The following USP25 variants were observed in gnomAD, a reference collection of about 807,000 sequenced individuals.
The protein encoded by USP25 is ubiquitin specific peptidase 25, also known as ubiquitin carboxyl-terminal hydrolase 25.
Under a neutral mutation model 158.5 loss-of-function variants are expected in USP25, and 85 were observed. The ratio of observed to expected loss-of-function variants is 0.54; its 90% CI spans 0.45 to 0.64. USP25 has a LOEUF of 0.64. Among genes scored for constraint, USP25 ranks in the 30% least tolerant of loss-of-function variants. The probability of loss-of-function intolerance (pLI) is 0.00; values close to 1 mark genes in which losing one functional copy is unlikely to be tolerated. For synonymous variants in USP25, 464 were observed against 460.4 expected, an observed-to-expected ratio of 1.01 and a Z score of -0.10; for missense variants, 1,242 against 1,327.3, an observed-to-expected ratio of 0.94 and a Z score of 1.00.
chr21:15,745,763 A>G (rs532601317), intron 1 of USP25, among the ~76,000 whole-genome samples: 1 of 152,240 alleles, frequency 6.6e-6, no homozygotes, highest in South Asian at 2.1e-4. Flanking sequence ...GGCGTGAGCC[A>G]CCACGCCCGG....
At chr21:15,799,541 AAATAT>A (rs2146248822) in intron 5 of USP25, 1 of 358,192 alleles carries the variant, frequency 2.8e-6, no homozygotes, top group South Asian at 7.7e-5. Flanking sequence ...AAAGTTGTCC[AAATAT>A]AATCTTGTGC....
rs781240763 is a variant in USP25, at chr21:15,777,955, C to G, written c.320C>G (p.Ala107Gly). The change falls in exon 4 of 26, where the codon GCC (alanine) becomes GGC (glycine). Residue 107 changes from alanine to glycine, a missense_variant. Physicochemically the swap from Ala to Gly is moderately conservative, Grantham distance 60. Coordinates refer to ENST00000400183, the MANE Select transcript of USP25 (RefSeq NM_001283041.3). ...AAAGATGATCTTCAGAGAGCAATTGCCTTGAGTTTGGCCGAATCAAACAGG... is the reference window on the plus strand; with the variant it reads ...AAAGATGATCTTCAGAGAGCAATTGGCTTGAGTTTGGCCGAATCAAACAGG... ...DDKDDLQRAI[A>G]LSLAESNRAF... The G allele has an allele frequency of 1.9e-6, 3 of 1,611,934 alleles. No individual in the cohort carries two copies. The highest frequency in any genetic ancestry group is 2.5e-6 in the Non-Finnish European group (3 of 1,179,138).
intron 4 of USP25, among the ~76,000 whole-genome samples, chr21:15,788,697 C>T (rs1482816518): frequency 1.3e-5 from 2 of 152,010 alleles, no homozygotes; most frequent in African/African-American, 4.8e-5. Flanking sequence ...ATTCCCCTTT[C>T]ACCTACATGC....
At chr21:15,809,169 A>G (rs1374577273) in intron 8 of USP25, among the ~76,000 whole-genome samples, 1 of 152,202 alleles carries the variant, frequency 6.6e-6, no homozygotes, top group African/African-American at 2.4e-5. Context: ...GAAAGATGTC[A>G]GGAATGTGAA....
chr21:15,796,175 CT>C (rs2035853833), intron 5 of USP25, among the ~76,000 whole-genome samples: 1 of 151,498 alleles, frequency 6.6e-6, no homozygotes, highest in Non-Finnish European at 1.5e-5. Context: ...TTTCTTACCT[CT>C]TTTGAAGGAA....
intron 1 of USP25, among the ~76,000 whole-genome samples, chr21:15,740,992 A>G (rs1487459689): frequency 1.3e-5 from 2 of 151,594 alleles, no homozygotes; most frequent in Non-Finnish European, 2.9e-5. Flanking sequence ...CATTTCTGTC[A>G]CTCCACAAAA....
chr21:15,806,261 G>A (rs985178407), intron 7 of USP25, among the ~76,000 whole-genome samples: 1 of 151,920 alleles, frequency 6.6e-6, no homozygotes, highest in Non-Finnish European at 1.5e-5. Flanking sequence ...CGGGCATTCA[G>A]CATTCCTTCT....
chr21:15,849,009 A>G (rs1388002162), intron 19 of USP25, among the ~76,000 whole-genome samples: 2 of 140,982 alleles, frequency 1.4e-5, no homozygotes, highest in Non-Finnish European at 3.0e-5. Context: ...ATGCTTAAGT[A>G]TTTGTACTTA....
intron 3 of USP25, among the ~76,000 whole-genome samples, chr21:15,777,153 ATTAATAC>A (rs1332474714): frequency 1.3e-5 from 2 of 152,208 alleles, no homozygotes; most frequent in African/African-American, 4.8e-5. Flanking sequence ...TGGAAAAAGA[ATTAATAC>A]TTAATAGCAT....
At chr21:15,851,302 TAGTA>T (rs2038876625) in intron 20 of USP25, among the ~76,000 whole-genome samples, 1 of 152,126 alleles carries the variant, frequency 6.6e-6, no homozygotes, top group Non-Finnish European at 1.5e-5. Flanking sequence ...TTACAACAGT[TAGTA>T]AGCCCCCAGT....
At chr21:15,730,899 C>G (rs2030772081) in intron 1 of USP25, among the ~76,000 whole-genome samples, 1 of 151,786 alleles carries the variant, frequency 6.6e-6, no homozygotes, top group South Asian at 2.1e-4. Context: ...GGCGTGTTGA[C>G]CAGGTGGACT....
chr21:15,867,182 T>G (rs991102068), intron 22 of USP25, among the ~76,000 whole-genome samples: 1 of 152,288 alleles, frequency 6.6e-6, no homozygotes. Flanking sequence ...CACCTAGTAT[T>G]TCTTCACATT....
intron 18 of USP25, among the ~76,000 whole-genome samples, chr21:15,846,970 A>C (rs1199478331): frequency 6.6e-6 from 1 of 152,208 alleles, no homozygotes; most frequent in South Asian, 2.1e-4. Context: ...TGAGTTGTTA[A>C]AAATGGGTAT....
In USP25 at chr21:15,849,838, A is replaced by G. The variant is rs1454107593; in HGVS notation, c.2513A>G (p.Tyr838Cys). 1.3e-6 allele frequency: 2 copies of G among 1,539,306 alleles called. No homozygotes were observed. Among genetic ancestry groups the G allele is most frequent in the African/African-American group, 2.8e-5 (2 of 72,726 alleles). ...IMAIGKSRSV[Y>C]DRCGPEAGFF... ...GCGATAGGTAAATCCAGGAGTGTAT[A>G]TGACAGGTGTGGCCCTGAAGCAGGG... Residue 838 changes from tyrosine to cysteine, a missense_variant, in exon 20 of 26, where the codon TAT (tyrosine) becomes TGT (cysteine). Tyr to Cys is a radical substitution (Grantham distance 194). This residue lies in a region of USP25 where 608 missense variants were observed against 605.2 expected (regional missense o/e 1.00). Coordinates refer to ENST00000400183, the MANE Select transcript of USP25 (RefSeq NM_001283041.3).
chr21:15,756,261 G>C (rs1045946514), intron 1 of USP25, among the ~76,000 whole-genome samples: 4 of 152,112 alleles, frequency 2.6e-5, no homozygotes, highest in African/African-American at 9.7e-5. Flanking sequence ...GTCAGATAAG[G>C]GAACTTCAGA....
intron 24 of USP25, 60 bp downstream of exon 24, chr21:15,874,586 A>G: frequency 6.7e-7 from 1 of 1,497,514 alleles, no homozygotes; most frequent in Non-Finnish European, 9.0e-7. Context: ...CAAGTTTTCC[A>G]GACTCATATA....
intron 3 of USP25, among the ~76,000 whole-genome samples, chr21:15,767,261 T>C (rs758153190): frequency 2.0e-5 from 3 of 152,044 alleles, no homozygotes; most frequent in African/African-American, 7.2e-5. Context: ...AATTTCTCTG[T>C]CTTTACATTT....
intron 20 of USP25, among the ~76,000 whole-genome samples, chr21:15,861,994 G>T (rs1390907397): frequency 1.3e-5 from 2 of 152,110 alleles, no homozygotes; most frequent in Admixed American, 6.5e-5. Flanking sequence ...AGTATAAGAG[G>T]TTATATATTT....
intron 6 of USP25, among the ~76,000 whole-genome samples, chr21:15,802,241 C>T (rs73359303): frequency 0.072 from 10,872 of 151,550 alleles, 1,276 homozygotes; most frequent in African/African-American, 0.24. Flanking sequence ...TCACTTTCCA[C>T]TACTTAAAGT....
Sources: allele counts gnomAD v4.1 joint callset (sites outside exome capture counted in the v4.1 genomes callset), GRCh38; gene constraint gnomAD v4.1.1; regional missense constraint gnomAD v4.1.1; transcripts MANE v1.5; gene names NCBI Gene and HGNC (gene_info 2026-07-23, HGNC 2026-07-21).